DENND1C: variants seen among roughly 807,000 people sequenced by gnomAD.
The protein encoded by DENND1C is DENN domain containing 1C.
Under a neutral mutation model 87.9 loss-of-function variants are expected in DENND1C, and 64 were observed. The ratio of observed to expected loss-of-function variants is 0.73; its 90% CI spans 0.60 to 0.90. The LOEUF (loss-of-function observed/expected upper bound fraction) is 0.90. Among genes scored for constraint, DENND1C ranks in the 40% least tolerant of loss-of-function variants. The probability of loss-of-function intolerance (pLI) is 0.00; values close to 1 mark genes in which losing one functional copy is unlikely to be tolerated. For synonymous variants in DENND1C, 384 were observed against 424.4 expected, an observed-to-expected ratio of 0.90 and a Z score of 1.17; for missense variants, 980 against 1,037.0, an observed-to-expected ratio of 0.95 and a Z score of 0.76.
At chr19:6,480,318 T>C (rs1163789617) in intron 1 of DENND1C, 1 of 1,383,880 alleles carries the variant, frequency 7.2e-7, no homozygotes, top group African/African-American at 1.5e-5. Flanking sequence ...AGTGCATGGC[T>C]TTTGTGAGCA....
Position 6,467,440 on chromosome 19 carries a change from A to G in DENND1C, c.*64T>C. On this transcript the variant is annotated 3_prime_UTR_variant, in exon 23 of 23. Transcript: ENST00000381480. The stretch of plus-strand genomic sequence containing the variant: ...ACCAGAGAAATTCACCAGGAAAAAA[A>G]CCAGCTTTTTTGGGCTCTTGTGGCT... 2 of 1,456,208 alleles carry G rather than the reference A, an allele frequency of 1.4e-6. No individual in the cohort carries two copies. Among genetic ancestry groups the G allele is most frequent in the Middle Eastern group, 2.4e-4 (1 of 4,082 alleles). 90.2% of individuals were successfully genotyped at this position (1,456,208 alleles called of 1,614,324 possible). A position where few individuals can be genotyped will look rare whatever the true frequency, so the allele number is the denominator to read the frequency against.
rs1450752635 is a variant in DENND1C, at chr19:6,467,460, G to A, written c.*44C>T. The A allele has an allele frequency of 1.4e-6, 2 of 1,481,086 alleles. No homozygotes were observed. Among genetic ancestry groups the A allele is most frequent in the Non-Finnish European group, 1.8e-6 (2 of 1,115,648 alleles). The allele number at this position is 1,481,086 out of a possible 1,614,324, so 91.7% of individuals were successfully genotyped here. On this transcript the variant is annotated 3_prime_UTR_variant, in exon 23 of 23. Coordinates refer to ENST00000381480, the MANE Select transcript of DENND1C (RefSeq NM_024898.4). ...AAAAAACCAGCTTTTTTGGGCTCTT[G>A]TGGCTTTATTGAGGGACTGGGGTCT...
At chr19:6,469,025 G>T in intron 19 of DENND1C, 72 bp from the exon 20 acceptor site, 12 of 877,328 alleles carry the variant, frequency 1.4e-5, no homozygotes, top group African/African-American at 3.9e-5. Flanking sequence ...TTGGTCTTTA[G>T]TTAGTCTTTT....
chr19:6,473,240 T>C (rs1246483552), intron 14 of DENND1C, among the ~76,000 whole-genome samples: 1 of 152,142 alleles, frequency 6.6e-6, no homozygotes, highest in Non-Finnish European at 1.5e-5. Context: ...CTGCAACCTC[T>C]GCCTCCAGGG....
intron 3 of DENND1C, 69 bp from the exon 4 acceptor site, chr19:6,479,787 C>G: frequency 1.9e-6 from 3 of 1,613,862 alleles, no homozygotes; most frequent in Non-Finnish European, 2.5e-6. Context: ...GGCTCCAGGT[C>G]CAAGAAACCA....
intron 1 of DENND1C, among the ~76,000 whole-genome samples, chr19:6,481,457 G>A (rs920618313): frequency 5.9e-5 from 6 of 101,458 alleles, no homozygotes; most frequent in Non-Finnish European, 1.1e-4. Flanking sequence ...AATCACAGGA[G>A]CTGGATAGAG....
At position 6,471,432 on chromosome 19, in the gene DENND1C, T is replaced by C; in HGVS notation, c.1223A>G (p.Glu408Gly). ...TGAGGAGGCCCCGCAGCCAGTGATC[T>C]CCTGCTCGAATTGATCTGAGAAGCC... is the stretch of plus-strand genomic sequence containing the variant. ...GEGFSDQFEQ[E>G]ITGCGASSGA... The change falls in exon 16 of 23, where the codon GAG becomes GGG. Residue 408 changes from glutamate (E) to glycine (G), a missense_variant. Glu to Gly is a moderately conservative substitution (Grantham distance 98). Transcript: ENST00000381480. 1 of 1,587,786 alleles carries C rather than the reference T, an allele frequency of 6.3e-7. No homozygotes were observed.
chr19:6,475,748 C>T lies in DENND1C; in HGVS notation c.783G>A (p.Ala261=), dbSNP rs375483611. 1 of 1,563,748 alleles carries T rather than the reference C, an allele frequency of 6.4e-7. No homozygotes were observed. The highest frequency in any genetic ancestry group is 2.4e-5 in the East Asian group (1 of 42,046). Residue 261 remains alanine (A), a synonymous_variant, in exon 12 of 23, where the codon GCG becomes GCA. Coordinates refer to ENST00000381480, the MANE Select transcript of DENND1C (RefSeq NM_024898.4). ...LPPHLLDYCC[A]PMPYLIGVHA... ...GCACTCCAATGAGGTAGGGCATGGGCGCGCTGCGGACCGAGGGGACGGGGT... is the reference window on the plus strand; with the variant it reads ...GCACTCCAATGAGGTAGGGCATGGGTGCGCTGCGGACCGAGGGGACGGGGT...
rs777454275 is a variant in DENND1C at position 6,479,703 on chromosome 19, C to A, written c.142G>T (p.Val48Leu). The A allele has an allele frequency of 3.7e-6, 6 of 1,613,904 alleles. No homozygotes were observed. The highest frequency in any genetic ancestry group is 5.1e-6 in the Non-Finnish European group (6 of 1,179,854). The change falls in exon 4 of 23, where the codon GTG (valine) becomes TTG (leucine). Residue 48 changes from valine (V) to leucine (L), a missense_variant. Transcript: ENST00000381480. The part of the protein sequence containing the change: ...DFRDQEAMQM[V>L]PKFCFPFDVE... ...TCAAAAGGGAAGCAGAATTTAGGCA[C>A]CATCTGCATAGCTTCCTGGAGGTGA...
rs1913567511 is a variant in DENND1C, at chr19:6,481,557, C to T, written c.17+122G>A. On this transcript the variant is annotated intron_variant, in intron 1 of 22. Coordinates refer to ENST00000381480, the MANE Select transcript of DENND1C (RefSeq NM_024898.4). The stretch of plus-strand genomic sequence containing the variant: ...AGGCCCATGGAGTATCTGATTCCAG[C>T]CACCTGCCCTGGCAGGTCACTGCAC... 11 of 1,434,084 alleles carry T rather than the reference C, an allele frequency of 7.7e-6. No homozygotes were observed. In the Admixed American group the frequency reaches 2.2e-4, roughly 29 times the overall value. The allele number at this position is 1,434,084 out of a possible 1,614,324, so 88.8% of individuals were successfully genotyped here. A position where few individuals can be genotyped will look rare whatever the true frequency, so the allele number is the denominator to read the frequency against.
At chr19:6,472,671 G>C (rs768984534) in intron 15 of DENND1C, among the ~76,000 whole-genome samples, 1 of 152,164 alleles carries the variant, frequency 6.6e-6, no homozygotes, top group Non-Finnish European at 1.5e-5. Flanking sequence ...TTACAGGCAT[G>C]AGCCACTGTG....
chr19:6,467,997 G>T lies in DENND1C; in HGVS notation c.1913C>A (p.Ser638Tyr). ...CTCTGAGGGTATCAGCTGGGACCTG[G>T]AGTCCTTTGAAGAGCTGGTGGCATC... ...SLDATSSSKDSRSQLIPSESD... is the reference protein window; with the variant it reads ...SLDATSSSKDYRSQLIPSESD... Residue 638 changes from serine to tyrosine, a missense_variant, in exon 23 of 23, where the codon TCC becomes TAC. Coordinates refer to ENST00000381480, the MANE Select transcript of DENND1C (RefSeq NM_024898.4). 6.2e-7 allele frequency: 1 copy of T among 1,613,872 alleles called. No homozygotes were observed. The highest frequency in any genetic ancestry group is 8.5e-7 in the Non-Finnish European group (1 of 1,179,866).
chr19:6,481,700 C>A lies in DENND1C; in HGVS notation c.-5G>T, dbSNP rs377387598. The A allele has an allele frequency of 1.6e-5, 26 of 1,588,852 alleles. No individual in the cohort carries two copies. The highest frequency in any genetic ancestry group is 2.1e-5 in the Non-Finnish European group (25 of 1,169,116). On this transcript the variant is annotated 5_prime_UTR_variant, in exon 1 of 23. Coordinates refer to ENST00000381480, the MANE Select transcript of DENND1C (RefSeq NM_024898.4). ...TTACTCAGCTCTGGATTCCATGGTC[C>A]CTGCAGGGCCAGCCCAGCGGGGCCC... is the stretch of plus-strand genomic sequence containing the variant.
At chr19:6,477,329 C>A in intron 7 of DENND1C, 46 bp from the exon 8 acceptor site, 1 of 1,608,438 alleles carries the variant, frequency 6.2e-7, no homozygotes, top group Non-Finnish European at 8.5e-7. Flanking sequence ...TGGGACGCAG[C>A]CTTCCCATCC....
intron 1 of DENND1C, 42 bp downstream of exon 1, chr19:6,481,637 G>A (rs772142105): frequency 1.2e-5 from 19 of 1,611,656 alleles, no homozygotes; most frequent in African/African-American, 8.0e-5. Context: ...GGCCTGGCCC[G>A]GGAATCTTGT....
At chr19:6,480,207 T>A in intron 1 of DENND1C, 156 bp from the exon 2 acceptor site, 1 of 1,475,286 alleles carries the variant, frequency 6.8e-7, no homozygotes, top group Non-Finnish European at 9.0e-7. Flanking sequence ...TGTGGTTGTG[T>A]GAGGCTGTGT....
chr19:6,471,326 G>A, intron 16 of DENND1C, 21 bp from the exon 17 acceptor site: 1 of 1,596,188 alleles, frequency 6.3e-7, no homozygotes, highest in Non-Finnish European at 8.5e-7. Flanking sequence ...GAGAGAGTGT[G>A]GTGGTCACCG....
chr19:6,471,550 C>A, intron 15 of DENND1C, 54 bp from the exon 16 acceptor site: 2 of 1,456,818 alleles, frequency 1.4e-6, no homozygotes, highest in Non-Finnish European at 9.1e-7. Context: ...TGAATGCCAG[C>A]ACTTCGAAGC....
At chr19:6,475,154 C>A in intron 14 of DENND1C, 120 bp downstream of exon 14, 1 of 1,521,964 alleles carries the variant, frequency 6.6e-7, no homozygotes, top group Middle Eastern at 1.7e-4. Flanking sequence ...ATCTCGGCAT[C>A]CCAAAGTGTT....
Sources: allele counts gnomAD v4.1 joint callset (sites outside exome capture counted in the v4.1 genomes callset), GRCh38; gene constraint gnomAD v4.1.1; transcripts MANE v1.5; gene names NCBI Gene and HGNC (gene_info 2026-07-23, HGNC 2026-07-21).